The following GAD1 variants were observed in gnomAD, a reference collection of about 807,000 sequenced individuals.
GAD1 encodes 67 kDa glutamic acid decarboxylase.
GAD1 carries 35 observed loss-of-function variants against 75.2 expected under a neutral mutation model. The ratio of observed to expected loss-of-function variants is 0.47; its 90% confidence interval spans 0.36 to 0.62. The LOEUF (loss-of-function observed/expected upper bound fraction) is 0.62. Among genes scored for constraint, GAD1 ranks in the 20% least tolerant of loss-of-function variants. GAD1 has a pLI of 0.00. For missense variants in GAD1, 490 were observed against 758.5 expected (o/e 0.65, Z 4.16); for synonymous variants, 257 against 271.9 (o/e 0.95, Z 0.54).
intron 3 of GAD1, among the ~76,000 whole-genome samples, chr2:170,825,370 C>G (rs975962516): frequency 6.6e-5 from 10 of 152,168 alleles, no homozygotes; most frequent in African/African-American, 2.2e-4. Context: ...GTCTGGACAA[C>G]AGCAATACAG....
chr2:170,842,547 TCTC>T lies in GAD1; in HGVS notation c.639-1497_639-1495del, dbSNP rs754694870. The T allele has an allele frequency of 1.8e-5, 29 of 1,611,438 alleles. No individual in the cohort carries two copies. In the South Asian group the frequency reaches 3.0e-4, roughly 16 times the overall value. The stretch of plus-strand genomic sequence containing the variant: ...CAGCACAGGCTAAACCAGGAATCCT[TCTC>T]TTCTTCTTCCTTTATCAGGCCATCA... On this transcript the variant is annotated intron_variant, in intron 6 of 16. Transcript: ENST00000358196.
At chr2:170,842,775 G>A in intron 6 of GAD1, 4 of 1,466,198 alleles carry the variant, frequency 2.7e-6, no homozygotes, top group Non-Finnish European at 2.7e-6. Flanking sequence ...GGATCCTTCA[G>A]GATCTTTTTG....
At position 170,818,574 on chromosome 2, in the gene GAD1, C is replaced by G. The variant is rs1701776029; in HGVS notation, c.-18C>G. 1 of 1,613,318 alleles carries G rather than the reference C, an allele frequency of 6.2e-7. No homozygotes were observed. The highest frequency in any genetic ancestry group is 8.5e-7 in the Non-Finnish European group (1 of 1,179,386). ...GTCGAGGACTCTGGACAGTAGAGGC[C>G]CCGGGACGACCGAGCTGATGGCGTC... is the stretch of plus-strand genomic sequence containing the variant. On this transcript the variant is annotated 5_prime_UTR_variant, in exon 2 of 17. Coordinates refer to ENST00000358196, the MANE Select transcript of GAD1 (RefSeq NM_000817.3). This position sits in a 1 kb window ranked among gnomAD's most constrained non-coding sequence, Gnocchi z 5.9.
In GAD1 at chr2:170,847,718, G is replaced by A; in HGVS notation, c.1045G>A (p.Val349Ile). ...FYVNATAGTT[V>I]YGAFDPIQEI... ...TGTCAATGCAACTGCTGGCACGACT[G>A]TTTATGGAGCTTTTGATCCGATACA... The change falls in exon 11 of 17, where the codon GTT (valine) becomes ATT (isoleucine). Residue 349 changes from valine (V) to isoleucine (I), a missense_variant. Val to Ile is a conservative substitution (Grantham distance 29, BLOSUM62 3). This residue lies in a region of GAD1 where 324 missense variants were observed against 523.9 expected (regional missense o/e 0.62). Transcript: ENST00000358196. 1.9e-6 allele frequency: 3 copies of A among 1,614,160 alleles called. No homozygotes were observed. Among genetic ancestry groups the A allele is most frequent in the Non-Finnish European group, 2.5e-6 (3 of 1,179,978 alleles).
At chr2:170,832,662 G>GCACACACACACACACA (rs1275912956) in intron 5 of GAD1, among the ~76,000 whole-genome samples, 102 of 128,508 alleles carry the variant, frequency 7.9e-4, no homozygotes, top group South Asian at 3.6e-3. Context: ...GCGCGCGCGC[G>GCACACACACACACACA]CGCACACACA....
intron 3 of GAD1, chr2:170,828,859 T>C: frequency 5.1e-6 from 1 of 197,138 alleles, no homozygotes; most frequent in Non-Finnish European, 1.0e-5. Flanking sequence ...CTCGCCTTCC[T>C]CCCTCTGCGG....
rs1175817582 is a variant in GAD1, at chr2:170,853,443, T to A, written c.1264-430T>A. ...GTCCACTCATATGTGGAATCCATGT[T>A]AATGTCATAGGAGGTCCTGGAAAGG... is the stretch of plus-strand genomic sequence containing the variant. On this transcript the variant is annotated intron_variant, in intron 13 of 16. Coordinates refer to ENST00000358196, the MANE Select transcript of GAD1 (RefSeq NM_000817.3). This position sits in a 1 kb window ranked among gnomAD's most constrained non-coding sequence, Gnocchi z 4.1. 4.2e-6 allele frequency: 1 copy of A among 239,500 alleles called. No individual in the cohort carries two copies. The highest frequency in any genetic ancestry group is 9.4e-5 in the East Asian group (1 of 10,646). 14.8% of individuals were successfully genotyped at this position (239,500 alleles called of 1,614,324 possible).
At chr2:170,845,961 T>A (rs1480575501) in intron 9 of GAD1, 48 bp from the exon 10 acceptor site, 1 of 1,564,392 alleles carries the variant, frequency 6.4e-7, no homozygotes, top group African/African-American at 1.4e-5. Context: ...TCATGTGCAA[T>A]CTCATTGACT....
At chr2:170,844,291 G>A in intron 7 of GAD1, 134 bp downstream of exon 7, 1 of 679,288 alleles carries the variant, frequency 1.5e-6, no homozygotes, top group Non-Finnish European at 2.7e-6. Context: ...CAAGATGAAG[G>A]CTAACAAAAA....
Position 170,853,967 on chromosome 2 carries a change from T to C in GAD1, c.1358T>C (p.Ile453Thr), listed in dbSNP as rs1247194476. ...DVSYDTGDKA[I>T]QCGRHVDIFK... Reference sequence around the variant, plus strand: ...TCCTACGACACCGGGGACAAGGCAATTCAGTGTGGCCGCCACGTGGATATC... The same window carrying C: ...TCCTACGACACCGGGGACAAGGCAACTCAGTGTGGCCGCCACGTGGATATC... The change falls in exon 14 of 17, where the codon ATT (isoleucine) becomes ACT (threonine). Residue 453 changes from isoleucine to threonine, a missense_variant. Ile to Thr is a moderately conservative substitution (Grantham distance 89, BLOSUM62 -1). Coordinates refer to ENST00000358196, the MANE Select transcript of GAD1 (RefSeq NM_000817.3). The surrounding 1 kb of genome is among the most constrained non-coding windows in gnomAD (Gnocchi z 4.1). 1 of 1,614,068 alleles carries C rather than the reference T, an allele frequency of 6.2e-7. No individual in the cohort carries two copies. The highest frequency in any genetic ancestry group is 1.1e-5 in the South Asian group (1 of 91,072).
upstream of GAD1, chr2:170,816,068 C>CG (rs5836305): frequency 1 from 152,411 of 152,420 alleles, 76,201 homozygotes; most frequent in Middle Eastern, 1. Flanking sequence ...CCGCCCCTTC[C>CG]GGGCACCTCT....
At chr2:170,814,995 A>AG (rs548997121), upstream of GAD1, among the ~76,000 whole-genome samples, 30 of 152,218 alleles carry the variant, frequency 2.0e-4, no homozygotes, top group South Asian at 6.0e-3. Context: ...ATGAAGAACG[A>AG]GGGGCACCGG....
chr2:170,852,710 T>C lies in GAD1; in HGVS notation c.1185-4T>C. The C allele has an allele frequency of 6.2e-7, 1 of 1,614,100 alleles. No individual in the cohort carries two copies. The highest frequency in any genetic ancestry group is 8.5e-7 in the Non-Finnish European group (1 of 1,179,914). ...CTTCTCGAAGTCTCATGTGCTTCTT[T>C]CAGGGCCAACTCAGTCACCTGGAAC... On this transcript the variant is annotated splice_region_variant and splice_polypyrimidine_tract_variant and intron_variant, in intron 12 of 16. Transcript: ENST00000358196.
At chr2:170,828,569 C>T (rs1027694506) in intron 3 of GAD1, among the ~76,000 whole-genome samples, 2 of 141,242 alleles carry the variant, frequency 1.4e-5, no homozygotes, top group Non-Finnish European at 3.1e-5. Flanking sequence ...CTGCTGTCCT[C>T]ACCGTCCTCC....
chr2:170,829,383 A>G, intron 3 of GAD1, 92 bp from the exon 4 acceptor site: 10 of 1,385,606 alleles, frequency 7.2e-6, no homozygotes, highest in Admixed American at 5.0e-5. Context: ...GAGAAACAAG[A>G]GCCCTGCTTG....
At position 170,853,013 on chromosome 2, in the gene GAD1, G is replaced by C; in HGVS notation, c.1263+221G>C. On this transcript the variant is annotated intron_variant, in intron 13 of 16. Coordinates refer to ENST00000358196, the MANE Select transcript of GAD1 (RefSeq NM_000817.3). This position sits in a 1 kb window ranked among gnomAD's most constrained non-coding sequence, Gnocchi z 4.1. ...GCTTCTTCTTTGATCAGTACTCAGG[G>C]TCTGTCAGCAACTGAACCTTTAAGG... is the stretch of plus-strand genomic sequence containing the variant. The C allele has an allele frequency of 1.7e-6, 1 of 604,748 alleles. No homozygotes were observed. Among genetic ancestry groups the C allele is most frequent in the Non-Finnish European group, 3.0e-6 (1 of 338,868 alleles). 37.5% of individuals were successfully genotyped at this position (604,748 alleles called of 1,614,324 possible). A position where few individuals can be genotyped will look rare whatever the true frequency, so the allele number is the denominator to read the frequency against.
At chr2:170,849,254 C>T (rs778935203) in intron 11 of GAD1, 32 bp from the exon 12 acceptor site, 9 of 1,597,740 alleles carry the variant, frequency 5.6e-6, no homozygotes, top group Non-Finnish European at 7.7e-6. Flanking sequence ...TGTCACTGCT[C>T]CCCTCTTCCT....
At chr2:170,820,066 G>A (rs1391111928) in intron 2 of GAD1, among the ~76,000 whole-genome samples, 1 of 152,262 alleles carries the variant, frequency 6.6e-6, no homozygotes, top group Non-Finnish European at 1.5e-5. Context: ...GGCCAGGGCA[G>A]GGCGGGAGGA....
At chr2:170,842,580 T>G (rs2105795737) in intron 6 of GAD1, 1 of 1,613,878 alleles carries the variant, frequency 6.2e-7, no homozygotes, top group East Asian at 2.2e-5. Flanking sequence ...CCATCAGACA[T>G]GAGGGAGTGT....
Sources: gnomAD v4.1 joint callset for allele counts (sites outside exome capture counted in the v4.1 genomes callset) on GRCh38, gnomAD v4.1.1 for gene constraint, gnomAD v4.1.1 regional missense constraint, Gnocchi (gnomAD v3.1) non-coding constraint, MANE v1.5 for transcripts, NCBI Gene and HGNC (gene_info 2026-07-23, HGNC 2026-07-21) for gene names.